KIAA1217: variants seen among roughly 807,000 people sequenced by gnomAD.
The protein encoded by KIAA1217 is sickle tail protein homolog.
KIAA1217 carries 88 observed loss-of-function variants against 163.9 expected under a neutral mutation model. The observed-to-expected ratio is 0.54, with a 90% CI of 0.45 to 0.64. The LOEUF is 0.64. Among genes scored for constraint, KIAA1217 ranks in the 30% least tolerant of loss-of-function variants. The probability of loss-of-function intolerance (pLI) is 0.00; values close to 1 mark genes in which losing one functional copy is unlikely to be tolerated. For missense variants in KIAA1217, 2,372 were observed against 2,475.0 expected (o/e 0.96, Z 0.88); for synonymous variants, 903 against 923.1 (o/e 0.98, Z 0.39).
At chr10:24,140,772 C>T (rs567631775) in intron 2 of KIAA1217, among the ~76,000 whole-genome samples, 3 of 152,152 alleles carry the variant, frequency 2.0e-5, no homozygotes, top group Admixed American at 1.3e-4. Flanking sequence ...ATCTAAAGGC[C>T]GTGCTTGACA....
chr10:23,847,654 T>C (rs1839107144), intron 1 of KIAA1217, among the ~76,000 whole-genome samples: 1 of 152,214 alleles, frequency 6.6e-6, no homozygotes, highest in Non-Finnish European at 1.5e-5. Context: ...TTGTTGATCT[T>C]TTCAAAAAAT....
intron 1 of KIAA1217, among the ~76,000 whole-genome samples, chr10:23,714,446 T>C (rs1193508841): frequency 6.6e-6 from 1 of 152,092 alleles, no homozygotes; most frequent in Admixed American, 6.6e-5. Flanking sequence ...TTCCATCATA[T>C]CCTGCAGCCA....
At position 24,360,070 on chromosome 10, in the gene KIAA1217, A is replaced by G. The variant is rs2049757123; in HGVS notation, c.355-20799A>G. On this transcript the variant is annotated intron_variant, in intron 2 of 20. Transcript: ENST00000376454. ...TTTTTTTTTTTTTTTTTTTTGAGACAGACTCTTACTCTGTCGCCCAGGCCG... is the reference window on the plus strand; with the variant it reads ...TTTTTTTTTTTTTTTTTTTTGAGACGGACTCTTACTCTGTCGCCCAGGCCG... Among the ~76,000 whole-genome samples, 4 of 100,606 alleles carry G rather than the reference A, an allele frequency of 4.0e-5. No homozygotes were observed. In the South Asian group the frequency reaches 1.4e-3, roughly 35 times the overall value. The allele number at this position is 100,606 out of a possible 152,430, so 66.0% of individuals were successfully genotyped here.
intron 2 of KIAA1217, among the ~76,000 whole-genome samples, chr10:24,225,566 A>G (rs1180173327): frequency 1.3e-5 from 2 of 152,150 alleles, no homozygotes; most frequent in East Asian, 1.9e-4. Context: ...TATTTATCCC[A>G]TATATATTTA....
intron 1 of KIAA1217, among the ~76,000 whole-genome samples, chr10:23,908,290 A>G (rs1484650121): frequency 6.6e-6 from 1 of 151,328 alleles, no homozygotes; most frequent in Non-Finnish European, 1.5e-5. Flanking sequence ...GTTTTTTTTC[A>G]AATCTTTTCC....
At chr10:24,284,103 T>C (rs1564403330) in intron 2 of KIAA1217, among the ~76,000 whole-genome samples, 1 of 152,034 alleles carries the variant, frequency 6.6e-6, no homozygotes, top group East Asian at 1.9e-4. Flanking sequence ...AGAGACAGGG[T>C]TTCAGCATGT....
At chr10:24,426,442 C>A (rs878864845) in intron 3 of KIAA1217, among the ~76,000 whole-genome samples, 7 of 151,888 alleles carry the variant, frequency 4.6e-5, no homozygotes. Context: ...GCCAACATAC[C>A]AAAACCCCGT....
intron 2 of KIAA1217, among the ~76,000 whole-genome samples, chr10:24,193,999 C>T (rs1454184347): frequency 6.6e-6 from 1 of 152,010 alleles, no homozygotes; most frequent in Non-Finnish European, 1.5e-5. Context: ...CCAGCCTGGC[C>T]AACATGGCGA....
chr10:23,971,133 C>A (rs989176341), intron 1 of KIAA1217, among the ~76,000 whole-genome samples: 1 of 152,198 alleles, frequency 6.6e-6, no homozygotes, highest in South Asian at 2.1e-4. Context: ...GTTGTTTTCC[C>A]GTGTGCACAG....
rs576951351 is a variant in KIAA1217, at chr10:24,211,146, G to A, written c.70+1883G>A. Among the ~76,000 whole-genome samples, 6 of 152,184 alleles carry A rather than the reference G, an allele frequency of 3.9e-5. No individual in the cohort carries two copies. The South Asian group carries it at 8.3e-4, about 21-fold the overall frequency. ...AGTGAAACTGTAAATAGGATTATTA[G>A]AAAGAGCTTCGCTGAAGTGATATTT... On this transcript the variant is annotated intron_variant, in intron 1 of 20. Coordinates refer to ENST00000376454, the MANE Select transcript of KIAA1217 (RefSeq NM_019590.5).
intron 2 of KIAA1217, among the ~76,000 whole-genome samples, chr10:24,117,234 C>T (rs148234462): frequency 0.11 from 16,662 of 152,030 alleles, 1,371 homozygotes; most frequent in African/African-American, 0.23. Context: ...ACAGGGTTTC[C>T]ACATGTTGGT....
chr10:23,745,104 C>T (rs1165173374), intron 1 of KIAA1217, among the ~76,000 whole-genome samples: 2 of 152,182 alleles, frequency 1.3e-5, no homozygotes, highest in Non-Finnish European at 1.5e-5. Flanking sequence ...CCATCACAGC[C>T]TCCAAAGACT....
intron 1 of KIAA1217, among the ~76,000 whole-genome samples, chr10:23,758,124 T>C (rs1564395641): frequency 6.6e-6 from 1 of 152,202 alleles, no homozygotes. Context: ...TATAAGAAAT[T>C]ACTGCCAAGT....
chr10:23,753,374 G>C (rs952464376), intron 1 of KIAA1217, among the ~76,000 whole-genome samples: 2 of 152,178 alleles, frequency 1.3e-5, no homozygotes, highest in African/African-American at 4.8e-5. Context: ...TGAGAGCTTT[G>C]CACTGTACGA....
At chr10:24,211,085 G>GC (rs1219458467) in intron 1 of KIAA1217, among the ~76,000 whole-genome samples, 1 of 152,058 alleles carries the variant, frequency 6.6e-6, no homozygotes, top group Non-Finnish European at 1.5e-5. Flanking sequence ...TGGAAATAAG[G>GC]TTACAGAGAA....
chr10:24,345,390 G>C (rs1156831634), intron 2 of KIAA1217, among the ~76,000 whole-genome samples: 1 of 152,204 alleles, frequency 6.6e-6, no homozygotes, highest in Non-Finnish European at 1.5e-5. Context: ...AGAAATTGCA[G>C]CCTACTGCTG....
Position 24,371,057 on chromosome 10 carries a change from G to T in KIAA1217, c.355-9812G>T, listed in dbSNP as rs1054426337. Among the ~76,000 whole-genome samples, 10 of 152,296 alleles carry T rather than the reference G, an allele frequency of 6.6e-5. No homozygotes were observed. In the South Asian group the frequency reaches 1.5e-3, roughly 22 times the overall value. On this transcript the variant is annotated intron_variant, in intron 2 of 20. Coordinates refer to ENST00000376454, the MANE Select transcript of KIAA1217 (RefSeq NM_019590.5). ...GATGCTAAATGGAGATCATAGTTGA[G>T]CTAGGCTTTATTTTCTTTAAATAGC...
At chr10:23,945,074 A>G (rs373498300) in intron 1 of KIAA1217, among the ~76,000 whole-genome samples, 13 of 149,442 alleles carry the variant, frequency 8.7e-5, no homozygotes, top group Non-Finnish European at 1.0e-4. Context: ...AAAAAAAAAA[A>G]AGGGTTTTAA....
At chr10:24,413,733 C>A (rs1288492857) in intron 3 of KIAA1217, among the ~76,000 whole-genome samples, 1 of 152,188 alleles carries the variant, frequency 6.6e-6, no homozygotes, top group Non-Finnish European at 1.5e-5. Flanking sequence ...TGCCTCCTTC[C>A]CCCAGATATC....
Sources: allele counts gnomAD v4.1 joint callset (sites outside exome capture counted in the v4.1 genomes callset), GRCh38; gene constraint gnomAD v4.1.1; transcripts MANE v1.5; gene names NCBI Gene and HGNC (gene_info 2026-07-23, HGNC 2026-07-21).